The following MAP3K13 variants were observed in gnomAD, a reference collection of about 807,000 sequenced individuals.
MAP3K13 encodes mitogen-activated protein kinase kinase kinase 13.
A neutral mutation model predicts 104.0 loss-of-function variants in MAP3K13; 52 were observed. That is an observed-to-expected ratio of 0.50 (90% CI 0.40 to 0.63). MAP3K13 has a LOEUF of 0.63. Among genes scored for constraint, MAP3K13 ranks in the 20% least tolerant of loss-of-function variants. The pLI is 0.00. For missense variants in MAP3K13, 914 were observed against 1,218.5 expected (o/e 0.75, Z 3.72); for synonymous variants, 394 against 442.2 (o/e 0.89, Z 1.37).
chr3:185,304,848 G>A (rs1264063500), intron 2 of MAP3K13, among the ~76,000 whole-genome samples: 4 of 152,098 alleles, frequency 2.6e-5, no homozygotes, highest in Admixed American at 6.6e-5. Context: ...TGGCCAAGAT[G>A]GTCTCAATCT....
intron 7 of MAP3K13, among the ~76,000 whole-genome samples, chr3:185,452,130 T>C (rs35386873): frequency 0.052 from 7,889 of 152,220 alleles, 272 homozygotes; most frequent in Non-Finnish European, 0.071. Context: ...AGAGAGAACC[T>C]TTTCTCTAAG....
intron 2 of MAP3K13, among the ~76,000 whole-genome samples, chr3:185,295,488 C>T (rs1430670687): frequency 6.6e-6 from 1 of 152,248 alleles, no homozygotes; most frequent in Non-Finnish European, 1.5e-5. Context: ...CAGGCGTAAG[C>T]CACAGCGCCC....
At position 185,418,459 on chromosome 3, in the gene MAP3K13, G is replaced by A. The variant is rs537599995; in HGVS notation, c.-85-10038G>A. The A allele has an allele frequency of 1.2e-6, 2 of 1,610,960 alleles. No individual in the cohort carries two copies. Among genetic ancestry groups the A allele is most frequent in the East Asian group, 2.2e-5 (1 of 44,886 alleles). ...CACTCTACGATGCCAACGGCGCCAG[G>A]TTTTGGTTGGTGCAAACCTTCGGCC... On this transcript the variant is annotated intron_variant, in intron 1 of 13. Transcript: ENST00000265026. The surrounding 1 kb of genome is among the most constrained non-coding windows in gnomAD (Gnocchi z 4.5).
intron 2 of MAP3K13, among the ~76,000 whole-genome samples, chr3:185,352,650 C>T (rs1723178888): frequency 6.6e-6 from 1 of 151,958 alleles, no homozygotes; most frequent in Non-Finnish European, 1.5e-5. Context: ...GTGATTTATC[C>T]CTCTGTGTAA....
At chr3:185,460,504 A>G (rs868559505) in intron 7 of MAP3K13, among the ~76,000 whole-genome samples, 1 of 152,108 alleles carries the variant, frequency 6.6e-6, no homozygotes, top group African/African-American at 2.4e-5. Flanking sequence ...TCCCACCCTT[A>G]GCCTTCTCTC....
intron 1 of MAP3K13, among the ~76,000 whole-genome samples, chr3:185,426,497 G>A (rs547341701): frequency 2.5e-4 from 38 of 152,140 alleles, no homozygotes; most frequent in African/African-American, 8.4e-4. Context: ...AAATTGAGAG[G>A]GTCTATTTTA....
Position 185,473,601 on chromosome 3 carries a change from T to C in MAP3K13, c.2270T>C (p.Leu757Pro), listed in dbSNP as rs1329057813. The change falls in exon 11 of 14, where the codon CTT (leucine) becomes CCT (proline). Residue 757 changes from leucine (L) to proline (P), a missense_variant. Leu to Pro is a moderately conservative substitution (Grantham distance 98). Around this residue, in one of 3 missense-constraint regions of MAP3K13, gnomAD observed 583 missense variants for 737.4 expected, o/e 0.79. Transcript: ENST00000265026. This position sits in a 1 kb window ranked among gnomAD's most constrained non-coding sequence, Gnocchi z 4.9. ...GAGCCAGTGGGGAGGAGCCCTGACC[T>C]TTCCAAGTCACCAGCACATAATCCT... ...SAEPVGRSPD[L>P]SKSPAHNPLL... The C allele has an allele frequency of 1.2e-6, 2 of 1,614,154 alleles. No homozygotes were observed. Among genetic ancestry groups the C allele is most frequent in the South Asian group, 2.2e-5 (2 of 91,088 alleles).
intron 2 of MAP3K13, among the ~76,000 whole-genome samples, chr3:185,436,072 G>A (rs899211370): frequency 1.3e-5 from 2 of 152,112 alleles, no homozygotes; most frequent in Non-Finnish European, 2.9e-5. Context: ...GGTAAGAAGG[G>A]GGAAAGGAGA....
rs940283085 is a variant in MAP3K13 at position 185,465,620 on chromosome 3, G to A, written c.1389-127G>A. On this transcript the variant is annotated intron_variant, in intron 8 of 13. Coordinates refer to ENST00000265026, the MANE Select transcript of MAP3K13 (RefSeq NM_004721.5). Reference sequence around the variant, plus strand: ...GTCTGAGTTACTGCACTGGACAAGGGAGGCTTAAAGTAAGAGGGCCTTGGG... The same window carrying A: ...GTCTGAGTTACTGCACTGGACAAGGAAGGCTTAAAGTAAGAGGGCCTTGGG... 8.6e-5 allele frequency: 59 copies of A among 689,252 alleles called. No homozygotes were observed. In the Middle Eastern group the frequency reaches 1.2e-3, roughly 14 times the overall value. The allele number at this position is 689,252 out of a possible 1,614,324, so 42.7% of individuals were successfully genotyped here.
intron 1 of MAP3K13, among the ~76,000 whole-genome samples, chr3:185,405,309 T>C (rs948423351): frequency 6.6e-6 from 1 of 152,244 alleles, no homozygotes; most frequent in Non-Finnish European, 1.5e-5. Context: ...ACTGTGGTCT[T>C]GAACAAAAGC....
In MAP3K13 at chr3:185,418,299, G is replaced by A. The variant is rs1577533440; in HGVS notation, c.-85-10198G>A. ...AAACAGCTTCCTTGGTCTTCTTGTA[G>A]CCTTCAACTTTATCTTCAAATACCA... On this transcript the variant is annotated intron_variant, in intron 1 of 13. Coordinates refer to ENST00000265026, the MANE Select transcript of MAP3K13 (RefSeq NM_004721.5). This position sits in a 1 kb window ranked among gnomAD's most constrained non-coding sequence, Gnocchi z 4.5. 1 of 1,580,812 alleles carries A rather than the reference G, an allele frequency of 6.3e-7. No individual in the cohort carries two copies. Among genetic ancestry groups the A allele is most frequent in the South Asian group, 1.1e-5 (1 of 90,332 alleles).
At position 185,485,251 on chromosome 3, in the gene MAP3K13, CA is replaced by C. The variant is rs1718663228; in HGVS notation, c.*2797del. 6.6e-6 allele frequency: 1 copy of C among 152,216 alleles called. No individual in the cohort carries two copies. The highest frequency in any genetic ancestry group is 2.1e-4 in the South Asian group (1 of 4,826). The allele number at this position is 152,216 out of a possible 1,614,324, so 9.4% of individuals were successfully genotyped here. Reference sequence around the variant, plus strand: ...CTCATGGATTCGTTTCAAGAATTGACAACATAGTTTGCAATCTCCTTCCTGC... The same window carrying C: ...CTCATGGATTCGTTTCAAGAATTGACACATAGTTTGCAATCTCCTTCCTGC... On this transcript the variant is annotated 3_prime_UTR_variant, in exon 14 of 14. Coordinates refer to ENST00000265026, the MANE Select transcript of MAP3K13 (RefSeq NM_004721.5).
At chr3:185,390,635 T>G (rs2108767473) in intron 1 of MAP3K13, among the ~76,000 whole-genome samples, 1 of 139,628 alleles carries the variant, frequency 7.2e-6, no homozygotes, top group South Asian at 2.4e-4. Context: ...TTTTTTTTTT[T>G]TTTTTTTGAG....
rs1721734628 is a variant in MAP3K13, at chr3:185,317,966, AAAAAAAAAAAAGCGAAGG to A, written c.-86+32331_-86+32348del. 4.8e-5 allele frequency among the ~76,000 whole-genome samples: 7 copies of A among 144,848 alleles called. No homozygotes were observed. In the South Asian group the frequency reaches 1.6e-3, roughly 32 times the overall value. On this transcript the variant is annotated intron_variant, in intron 2 of 14. Coordinates refer to the MAP3K13 transcript ENST00000424227. ...TCATTCACCCATTAAAACTTTAAAGAAAAAAAAAAAAGCGAAGGAAAAAAATTGCCTTTGTGTAAACAT... is the reference window on the plus strand; with the variant it reads ...TCATTCACCCATTAAAACTTTAAAGAAAAAAAATTGCCTTTGTGTAAACAT...
At chr3:185,449,091 G>C (rs2148896280) in intron 5 of MAP3K13, among the ~76,000 whole-genome samples, 1 of 152,170 alleles carries the variant, frequency 6.6e-6, no homozygotes, top group African/African-American at 2.4e-5. Context: ...GTCTTTAAAA[G>C]CCAGGCGCAG....
chr3:185,363,853 C>T (rs1198447159), intron 1 of MAP3K13, among the ~76,000 whole-genome samples: 1 of 152,172 alleles, frequency 6.6e-6, no homozygotes, highest in East Asian at 1.9e-4. Flanking sequence ...CAGTATCTTG[C>T]GATTGCAATT....
intron 2 of MAP3K13, among the ~76,000 whole-genome samples, chr3:185,310,036 G>C (rs1721442236): frequency 6.6e-6 from 1 of 152,172 alleles, no homozygotes; most frequent in African/African-American, 2.4e-5. Flanking sequence ...AGGATGGAGA[G>C]AGAGAACCCC....
At chr3:185,445,545 T>C (rs1715546679) in intron 4 of MAP3K13, among the ~76,000 whole-genome samples, 1 of 152,212 alleles carries the variant, frequency 6.6e-6, no homozygotes, top group Non-Finnish European at 1.5e-5. Context: ...AACCAACTTG[T>C]TCTCCTTATG....
intron 1 of MAP3K13, among the ~76,000 whole-genome samples, chr3:185,420,276 G>A (rs140962633): frequency 2.8e-3 from 420 of 152,270 alleles, no homozygotes; most frequent in African/African-American, 9.8e-3. Context: ...ATAAAGGCAC[G>A]ATTGTAGGCC....
Sources: allele counts gnomAD v4.1 joint callset (sites outside exome capture counted in the v4.1 genomes callset), GRCh38; gene constraint gnomAD v4.1.1; regional missense constraint gnomAD v4.1.1; non-coding constraint Gnocchi (gnomAD v3.1); transcripts MANE v1.5; gene names NCBI Gene and HGNC (gene_info 2026-07-23, HGNC 2026-07-21).